Variants in CFAP44 observed in about 807,000 individuals in gnomAD.
CFAP44 encodes cilia- and flagella-associated protein 44.
Under a neutral mutation model 216.2 loss-of-function variants are expected in CFAP44, and 134 were observed. That is an observed-to-expected ratio of 0.62 (90% CI 0.54 to 0.72). CFAP44 has a LOEUF of 0.72. Among genes scored for constraint, CFAP44 ranks in the 30% least tolerant of loss-of-function variants. CFAP44 has a pLI of 0.00. For synonymous variants in CFAP44, 700 were observed against 727.6 expected, an observed-to-expected ratio of 0.96 and a Z score of 0.61; for missense variants, 2,035 against 2,182.1, an observed-to-expected ratio of 0.93 and a Z score of 1.34.
At chr3:113,413,091 T>C (rs901974008) in intron 6 of CFAP44, among the ~76,000 whole-genome samples, 1 of 152,184 alleles carries the variant, frequency 6.6e-6, no homozygotes, top group African/African-American at 2.4e-5. Context: ...TGGTATCTCA[T>C]TGTAGTTTTG....
intron 28 of CFAP44, among the ~76,000 whole-genome samples, chr3:113,319,952 T>C (rs1446032526): frequency 6.6e-6 from 1 of 152,042 alleles, no homozygotes; most frequent in Admixed American, 6.6e-5. Context: ...TCTGAGACTA[T>C]TATGAACACT....
intron 26 of CFAP44, among the ~76,000 whole-genome samples, chr3:113,328,715 A>AAAAC (rs1950213755): frequency 6.8e-6 from 1 of 146,818 alleles, no homozygotes; most frequent in African/African-American, 2.6e-5. Flanking sequence ...AAAAAAAAAA[A>AAAAC]AAAAAAAAAA....
At chr3:113,395,921 A>C in intron 14 of CFAP44, 61 bp from the exon 15 acceptor site, 2 of 1,233,968 alleles carry the variant, frequency 1.6e-6, no homozygotes, top group Non-Finnish European at 2.3e-6. Context: ...CCTATAGATC[A>C]CAAAAAAGCA....
Position 113,396,577 on chromosome 3 carries a change from G to C in CFAP44, c.1720C>G (p.His574Asp). The change falls in exon 14 of 35, where the codon CAT (histidine) becomes GAT (aspartate). Residue 574 changes from histidine (H) to aspartate (D), a missense_variant. His to Asp is a moderately conservative substitution (Grantham distance 81, BLOSUM62 -1). Around this residue, in one of 3 missense-constraint regions of CFAP44, gnomAD observed 1,883 missense variants for 2,023.7 expected, o/e 0.93. Transcript: ENST00000393845. ...GCTAAAGCAGTGACACAAGCAGTAT[G>C]GGGTTTGAAAACCTGTTTCAACTGA... ...DIQLKQVFKP[H>D]TACVTALAYE... is the part of the protein sequence containing the mutation. 1 of 1,614,058 alleles carries C rather than the reference G, an allele frequency of 6.2e-7. No homozygotes were observed. Among genetic ancestry groups the C allele is most frequent in the Non-Finnish European group, 8.5e-7 (1 of 1,179,994 alleles).
intron 21 of CFAP44, chr3:113,361,063 T>C (rs60706093): frequency 0.073 from 17,859 of 244,480 alleles, 796 homozygotes; most frequent in East Asian, 0.15. Context: ...CCAAGTCAGT[T>C]GCATCAAGTA....
intron 15 of CFAP44, among the ~76,000 whole-genome samples, chr3:113,387,026 T>C (rs2107344560): frequency 6.6e-6 from 1 of 152,186 alleles, no homozygotes; most frequent in East Asian, 1.9e-4. Flanking sequence ...TTCAGCCCAG[T>C]AGTCAGAACC....
At chr3:113,404,078 T>C (rs1934212106) in intron 8 of CFAP44, 62 bp from the exon 9 acceptor site, 7 of 1,407,128 alleles carry the variant, frequency 5.0e-6, no homozygotes, top group Admixed American at 2.6e-5. Context: ...TATTTATGCC[T>C]CAAATAGTAG....
At chr3:113,436,847 G>C (rs1935251656) in intron 1 of CFAP44, among the ~76,000 whole-genome samples, 1 of 152,146 alleles carries the variant, frequency 6.6e-6, no homozygotes, top group East Asian at 1.9e-4. Context: ...TTCCATTGCT[G>C]CCATATAAAT....
intron 27 of CFAP44, among the ~76,000 whole-genome samples, chr3:113,327,284 A>G (rs1338355586): frequency 6.6e-6 from 1 of 152,182 alleles, no homozygotes; most frequent in African/African-American, 2.4e-5. Flanking sequence ...ACTCAATTTT[A>G]TATCATAGCT....
At chr3:113,439,617 ATCT>A (rs1935313729) in intron 1 of CFAP44, among the ~76,000 whole-genome samples, 1 of 152,226 alleles carries the variant, frequency 6.6e-6, no homozygotes, top group African/African-American at 2.4e-5. Flanking sequence ...AATAAACATC[ATCT>A]TCTTTTAGAA....
At chr3:113,354,628 G>T (rs1576565612) in intron 22 of CFAP44, among the ~76,000 whole-genome samples, 1 of 152,174 alleles carries the variant, frequency 6.6e-6, no homozygotes, top group Non-Finnish European at 1.5e-5. Flanking sequence ...AGCAGCCACA[G>T]CAAGTCCCGC....
intron 22 of CFAP44, among the ~76,000 whole-genome samples, chr3:113,349,571 A>G (rs938617440): frequency 4.6e-5 from 7 of 152,198 alleles, no homozygotes; most frequent in Admixed American, 3.3e-4. Flanking sequence ...AGATTGTCCA[A>G]TGAGAAACAA....
At chr3:113,334,268 C>T (rs1950264104) in intron 24 of CFAP44, among the ~76,000 whole-genome samples, 1 of 152,098 alleles carries the variant, frequency 6.6e-6, no homozygotes, top group Admixed American at 6.6e-5. Flanking sequence ...TTTGTAATTG[C>T]ATAAGTGCTT....
At chr3:113,338,151 G>C (rs1303736043) in intron 24 of CFAP44, among the ~76,000 whole-genome samples, 1 of 149,984 alleles carries the variant, frequency 6.7e-6, no homozygotes, top group East Asian at 2.0e-4. Context: ...CAGCTACTTG[G>C]GAGGCTGAGG....
intron 18 of CFAP44, among the ~76,000 whole-genome samples, chr3:113,368,137 G>GA: frequency 6.6e-6 from 1 of 152,280 alleles, no homozygotes; most frequent in Middle Eastern, 3.4e-3. Flanking sequence ...AAGTGATGGG[G>GA]AAAATGGAAC....
intron 22 of CFAP44, among the ~76,000 whole-genome samples, chr3:113,355,769 T>TA (rs112057738): frequency 0.084 from 12,102 of 144,346 alleles, 578 homozygotes; most frequent in East Asian, 0.16. Flanking sequence ...TTTAAAGTAT[T>TA]AAAAAAAAAA....
chr3:113,330,072 C>A, intron 26 of CFAP44, 96 bp downstream of exon 26: 1 of 1,403,830 alleles, frequency 7.1e-7, no homozygotes, highest in Non-Finnish European at 9.3e-7. Context: ...AAGGTTCATG[C>A]AGAGAAATTT....
chr3:113,330,674 A>G lies in CFAP44; in HGVS notation c.3616-6T>C, dbSNP rs1318393311. On this transcript the variant is annotated splice_region_variant and splice_polypyrimidine_tract_variant and intron_variant, in intron 25 of 34. Coordinates refer to ENST00000393845, the MANE Select transcript of CFAP44 (RefSeq NM_001164496.2). The stretch of plus-strand genomic sequence containing the variant: ...TGCCTTTTATTTCCATGGACCTGAA[A>G]AAAAGAAGAGGAAGGAAACAACAGT... 15 of 1,525,650 alleles carry G rather than the reference A, an allele frequency of 9.8e-6. No homozygotes were observed. The highest frequency in any genetic ancestry group is 1.2e-5 in the South Asian group (1 of 81,552). 94.5% of individuals were successfully genotyped at this position (1,525,650 alleles called of 1,614,324 possible).
Position 113,427,193 on chromosome 3 carries a change from T to A in CFAP44, c.247A>T (p.Thr83Ser). Residue 83 changes from threonine to serine, a missense_variant, in exon 3 of 35, where the codon ACT becomes TCT. By Grantham distance (58) the Thr-to-Ser change is moderately conservative (BLOSUM62 1). This residue lies in a region of CFAP44 where 149 missense variants were observed against 141.8 expected (regional missense o/e 1.05). Transcript: ENST00000393845. ...GAAAACTAATAATACCTACCTGTAG[T>A]GCTTTGCAAATCACCATACTGAAAT... ...SSFQYGDLQS[T>S]TVPQQTPAPA... 1 of 1,612,600 alleles carries A rather than the reference T, an allele frequency of 6.2e-7. No individual in the cohort carries two copies. The highest frequency in any genetic ancestry group is 8.5e-7 in the Non-Finnish European group (1 of 1,179,622).
Sources: gnomAD v4.1 joint callset for allele counts (sites outside exome capture counted in the v4.1 genomes callset) on GRCh38, gnomAD v4.1.1 for gene constraint, gnomAD v4.1.1 regional missense constraint, MANE v1.5 for transcripts, NCBI Gene and HGNC (gene_info 2026-07-23, HGNC 2026-07-21) for gene names.